The following PLCH2 variants were observed in gnomAD, a reference collection of about 807,000 sequenced individuals.
PLCH2 encodes phospholipase C eta 2, also known as 1-phosphatidylinositol 4,5-bisphosphate phosphodiesterase eta-2.
In PLCH2, 98 loss-of-function variants were observed where a neutral mutation model predicts 134.7. The ratio of observed to expected loss-of-function variants is 0.73; its 90% CI spans 0.62 to 0.86. PLCH2 has a LOEUF of 0.86. Ranked by LOEUF, PLCH2 falls within the 40% of genes least tolerant of loss-of-function variation. The pLI is 0.00. For synonymous variants in PLCH2, 974 were observed against 827.5 expected (o/e 1.18, Z -3.04); for missense variants, 1,994 against 1,986.6 (o/e 1.00, Z -0.07).
chr1:2,486,890 C>T lies in PLCH2; in HGVS notation c.817-17C>T, dbSNP rs753943192. Reference sequence around the variant, plus strand: ...CAGGGATGGGCTGCCTGGACTCATGCCCCTGCTCTGGCCTAGATGGCGGGT... The same window carrying T: ...CAGGGATGGGCTGCCTGGACTCATGTCCCTGCTCTGGCCTAGATGGCGGGT... On this transcript the variant is annotated splice_polypyrimidine_tract_variant and intron_variant, in intron 5 of 21. Coordinates refer to ENST00000378486, the MANE Select transcript of PLCH2 (RefSeq NM_014638.4). The T allele has an allele frequency of 4.4e-6, 7 of 1,586,524 alleles. No individual in the cohort carries two copies. The highest frequency in any genetic ancestry group is 1.8e-5 in the Admixed American group (1 of 56,630).
chr1:2,418,925 A>G, the PLCH2 span, among the ~76,000 whole-genome samples: 1 of 152,126 alleles, frequency 6.6e-6, no homozygotes, highest in African/African-American at 2.4e-5. Context: ...AACCTGGCTT[A>G]TTGGGGTTGC....
Position 2,498,462 on chromosome 1 carries a change from C to T in PLCH2, c.2225-61C>T, listed in dbSNP as rs911750680. ...GGAGGGGGCTGTTGGCAGCCATGCC[C>T]CAGCAAGCAGGGGGCTTGCTGAGGG... On this transcript the variant is annotated intron_variant, in intron 16 of 21. Coordinates refer to ENST00000378486, the MANE Select transcript of PLCH2 (RefSeq NM_014638.4). This position sits in a 1 kb window ranked among gnomAD's most constrained non-coding sequence, Gnocchi z 5.4. 13 of 1,560,632 alleles carry T rather than the reference C, an allele frequency of 8.3e-6. No homozygotes were observed. The highest frequency in any genetic ancestry group is 1.0e-5 in the Non-Finnish European group (12 of 1,150,382).
intron 1 of PLCH2, chr1:2,467,724 C>G: frequency 2.5e-6 from 1 of 401,462 alleles, no homozygotes; most frequent in Non-Finnish European, 4.4e-6. Context: ...AGCCCAGGAC[C>G]GGACCTGTTC....
intron 12 of PLCH2, 82 bp from the exon 13 acceptor site, chr1:2,495,406 G>A (rs1467421043): frequency 8.4e-7 from 1 of 1,191,996 alleles, no homozygotes; most frequent in Non-Finnish European, 1.2e-6. Flanking sequence ...CCGGAGGATA[G>A]GCCCTCCCCA....
rs1294415407 is a variant in PLCH2, at chr1:2,439,025, C to G, written c.115+8396C>G. On this transcript the variant is annotated intron_variant, in intron 2 of 3. Transcript: ENST00000609981. The surrounding 1 kb of genome is among the most constrained non-coding windows in gnomAD (Gnocchi z 4.7). ...AGGTAGAAGTGGCTTTGACTACGCC[C>G]TCCCAGCCCTGACCCAGCTCCCAGG... Among the ~76,000 whole-genome samples, 1 of 152,348 alleles carries G rather than the reference C, an allele frequency of 6.6e-6. No individual in the cohort carries two copies.
intron 20 of PLCH2, chr1:2,501,791 G>A (rs911631095): frequency 9.3e-6 from 3 of 323,504 alleles, no homozygotes; most frequent in East Asian, 9.6e-5. Context: ...CTCCTCCGGA[G>A]GGAAAGACCT....
At position 2,439,148 on chromosome 1, in the gene PLCH2, C is replaced by T. The variant is rs948398172; in HGVS notation, c.115+8519C>T. Among the ~76,000 whole-genome samples, 5 of 152,226 alleles carry T rather than the reference C, an allele frequency of 3.3e-5. No homozygotes were observed. The highest frequency in any genetic ancestry group is 7.3e-5 in the Non-Finnish European group (5 of 68,044). ...TGTCTCTGGGGACCCTGGGCAGGTGCCTTTCTCTCTTTGTGCCTCAGTTTC... is the reference window on the plus strand; with the variant it reads ...TGTCTCTGGGGACCCTGGGCAGGTGTCTTTCTCTCTTTGTGCCTCAGTTTC... On this transcript the variant is annotated intron_variant, in intron 2 of 3. Transcript: ENST00000609981. This position sits in a 1 kb window ranked among gnomAD's most constrained non-coding sequence, Gnocchi z 4.7.
chr1:2,499,779 C>T (rs1319355910), intron 20 of PLCH2, 59 bp downstream of exon 20: 6 of 1,275,014 alleles, frequency 4.7e-6, no homozygotes, highest in African/African-American at 4.4e-5. Context: ...GCCCCTTGTC[C>T]CATGCCCCCC....
Position 2,504,548 on chromosome 1 carries a change from C to T in PLCH2, c.3586C>T (p.Pro1196Ser). 6.2e-7 allele frequency: 1 copy of T among 1,612,690 alleles called. No individual in the cohort carries two copies. Among genetic ancestry groups the T allele is most frequent in the Non-Finnish European group, 8.5e-7 (1 of 1,179,790 alleles). Residue 1196 changes from proline to serine, a missense_variant, in exon 22 of 22, where the codon CCT becomes TCT. Transcript: ENST00000378486. ...TTCGGCTGCCCGCCCAGACCTGCCA[C>T]CTGTGACCAAGAGCAAATCCAACCC... is the stretch of plus-strand genomic sequence containing the variant. ...SASAARPDLP[P>S]VTKSKSNPNL... is the part of the protein sequence containing the mutation.
chr1:2,441,003 C>T (rs1025651728), intron 2 of PLCH2, among the ~76,000 whole-genome samples: 8 of 152,270 alleles, frequency 5.3e-5, no homozygotes, highest in East Asian at 1.9e-4. Context: ...GAAACCGCCC[C>T]GACCATGCTG....
At position 2,505,215 on chromosome 1, in the gene PLCH2, C is replaced by A. The variant is rs759018684; in HGVS notation, c.*2C>A. The A allele has an allele frequency of 2.6e-6, 4 of 1,565,890 alleles. No individual in the cohort carries two copies. Reference sequence around the variant, plus strand: ...AACCTGGTCCTGCTCCGCCTCTGACCGTCAGTGGTGGGAACCTGGGCGGCT... The same window carrying A: ...AACCTGGTCCTGCTCCGCCTCTGACAGTCAGTGGTGGGAACCTGGGCGGCT... On this transcript the variant is annotated 3_prime_UTR_variant, in exon 22 of 22. Coordinates refer to ENST00000378486, the MANE Select transcript of PLCH2 (RefSeq NM_014638.4).
At position 2,446,038 on chromosome 1, in the gene PLCH2, G is replaced by C. The variant is rs1031077044; in HGVS notation, c.115+15409G>C. On this transcript the variant is annotated intron_variant, in intron 2 of 3. Transcript: ENST00000609981. Reference sequence around the variant, plus strand: ...CTGCTCCAGTGATGGGCACGCCGACGGGAGGGGGGCTGAGGACCAGCCCAG... The same window carrying C: ...CTGCTCCAGTGATGGGCACGCCGACCGGAGGGGGGCTGAGGACCAGCCCAG... Among the ~76,000 whole-genome samples the C allele has an allele frequency of 2.0e-5, 3 of 151,378 alleles. No homozygotes were observed. In the East Asian group the frequency reaches 6.1e-4, roughly 31 times the overall value.
upstream of PLCH2, among the ~76,000 whole-genome samples, chr1:2,462,696 T>C (rs1320958462): frequency 6.6e-6 from 1 of 151,816 alleles, no homozygotes; most frequent in Non-Finnish European, 1.5e-5. Flanking sequence ...ATCGCTGGGG[T>C]GGTTTCACAT....
At chr1:2,435,922 T>G (rs1639306030) in intron 2 of PLCH2, among the ~76,000 whole-genome samples, 1 of 151,344 alleles carries the variant, frequency 6.6e-6, no homozygotes. Context: ...AGGAAAAGAG[T>G]GAGGGCCCCT....
chr1:2,427,249 G>A (rs1638843126), intron 1 of PLCH2, among the ~76,000 whole-genome samples: 1 of 152,282 alleles, frequency 6.6e-6, no homozygotes, highest in East Asian at 1.9e-4. Flanking sequence ...GCAGTGGGGC[G>A]CCCTGGGGCC....
Position 2,478,562 on chromosome 1 carries a change from C to G in PLCH2, c.211C>G (p.Leu71Val). The G allele has an allele frequency of 6.2e-7, 1 of 1,612,704 alleles. No individual in the cohort carries two copies. Among genetic ancestry groups the G allele is most frequent in the Non-Finnish European group, 8.5e-7 (1 of 1,179,764 alleles). The change falls in exon 2 of 22, where the codon CTG becomes GTG. Residue 71 changes from leucine (L) to valine (V), a missense_variant. Around this residue, in one of 2 missense-constraint regions of PLCH2, gnomAD observed 1,094 missense variants for 1,234.3 expected, o/e 0.89. Coordinates refer to ENST00000378486, the MANE Select transcript of PLCH2 (RefSeq NM_014638.4). The stretch of plus-strand genomic sequence containing the variant: ...CAAGGGCCTGGTCCGCTTCTACTAC[C>G]TGGACGAGCACCGCTCCTGCATCCG... The part of the protein sequence containing the change: ...GSKGLVRFYY[L>V]DEHRSCIRWR...
intron 2 of PLCH2, among the ~76,000 whole-genome samples, chr1:2,462,444 A>AC (rs1640869985): frequency 7.3e-6 from 1 of 137,856 alleles, no homozygotes; most frequent in South Asian, 2.5e-4. Context: ...CCTCTGCCTG[A>AC]CACCCCTCCA....
chr1:2,499,075 C>T lies in PLCH2; in HGVS notation c.2435-9C>T, dbSNP rs1643064351. On this transcript the variant is annotated splice_polypyrimidine_tract_variant and intron_variant, in intron 18 of 21. Transcript: ENST00000378486. ...CCATGGGACACTCCTCCTGGCGCTGCTTCCCCAGGGTTCAACCCCACCTGG... is the reference window on the plus strand; with the variant it reads ...CCATGGGACACTCCTCCTGGCGCTGTTTCCCCAGGGTTCAACCCCACCTGG... 2 of 1,606,444 alleles carry T rather than the reference C, an allele frequency of 1.2e-6. No homozygotes were observed. The highest frequency in any genetic ancestry group is 2.2e-5 in the East Asian group (1 of 44,580).
At chr1:2,442,543 T>C (rs968701975) in intron 2 of PLCH2, among the ~76,000 whole-genome samples, 1 of 152,196 alleles carries the variant, frequency 6.6e-6, no homozygotes, top group Non-Finnish European at 1.5e-5. Flanking sequence ...CCCAGGGATG[T>C]GTGTGTCCTT....
Sources: allele counts gnomAD v4.1 joint callset (sites outside exome capture counted in the v4.1 genomes callset), GRCh38; gene constraint gnomAD v4.1.1; regional missense constraint gnomAD v4.1.1; non-coding constraint Gnocchi (gnomAD v3.1); transcripts MANE v1.5; gene names NCBI Gene and HGNC (gene_info 2026-07-23, HGNC 2026-07-21).